INVS: variants seen among roughly 807,000 people sequenced by gnomAD.
The protein encoded by INVS is inversin.
Under a neutral mutation model 108.8 loss-of-function variants are expected in INVS, and 86 were observed. The ratio of observed to expected loss-of-function variants is 0.79; its 90% CI spans 0.66 to 0.95. The LOEUF is 0.95. Ranked by LOEUF, INVS falls within the 40% of genes least tolerant of loss-of-function variation. The pLI is 0.00. For missense variants in INVS, 1,169 were observed against 1,297.4 expected (o/e 0.90, Z 1.52); for synonymous variants, 455 against 473.5 (o/e 0.96, Z 0.51).
At position 100,115,353 on chromosome 9, in the gene INVS, G is replaced by A. The variant is rs137930196; in HGVS notation, c.106+10726G>A. On this transcript the variant is annotated intron_variant, in intron 2 of 16. Transcript: ENST00000262457. ...AAGTTCTAGGGTACATGTGCACAAC[G>A]TGCAGGTTTGTTACATATGTATACA... is the stretch of plus-strand genomic sequence containing the variant. Among the ~76,000 whole-genome samples, 1,370 of 151,318 alleles carry A rather than the reference G, an allele frequency of 9.1e-3. 7 individuals are homozygous for A. Among genetic ancestry groups the A allele is most frequent in the Non-Finnish European group, 0.016 (1,087 of 67,812 alleles).
At position 100,227,948 on chromosome 9, in the gene INVS, T is replaced by C. The variant is rs141393504; in HGVS notation, c.448-1712T>C. On this transcript the variant is annotated intron_variant, in intron 4 of 16. Transcript: ENST00000262457. ...TACTTGAGTACACATAGTTTAGCAATGCCCTACTACCAGATACCAAATAAA... is the reference window on the plus strand; with the variant it reads ...TACTTGAGTACACATAGTTTAGCAACGCCCTACTACCAGATACCAAATAAA... Among the ~76,000 whole-genome samples, 72 of 152,080 alleles carry C rather than the reference T, an allele frequency of 4.7e-4. 1 individual carries two copies. In the East Asian group the frequency reaches 0.012, roughly 25 times the overall value.
At chr9:100,265,280 C>A (rs1433538225) in intron 11 of INVS, among the ~76,000 whole-genome samples, 3 of 152,114 alleles carry the variant, frequency 2.0e-5, no homozygotes, top group Non-Finnish European at 4.4e-5. Flanking sequence ...TGCTCTTTAT[C>A]ATACATCCTT....
At chr9:100,108,337 G>T (rs1827240862) in intron 2 of INVS, among the ~76,000 whole-genome samples, 1 of 152,106 alleles carries the variant, frequency 6.6e-6, no homozygotes, top group Non-Finnish European at 1.5e-5. Context: ...CATCTTGTCT[G>T]AGGAACTTCT....
At chr9:100,213,928 T>A (rs535241644) in intron 3 of INVS, among the ~76,000 whole-genome samples, 2 of 152,314 alleles carry the variant, frequency 1.3e-5, no homozygotes, top group South Asian at 4.1e-4. Context: ...GCATACCCAG[T>A]AAGAACGTTT....
At chr9:100,234,805 A>G (rs992562245) in intron 5 of INVS, among the ~76,000 whole-genome samples, 2 of 152,146 alleles carry the variant, frequency 1.3e-5, no homozygotes, top group African/African-American at 4.8e-5. Flanking sequence ...ATTTTAGAGT[A>G]AGTTCTATGT....
rs1319340721 is a variant in INVS at position 100,210,135 on chromosome 9, G to A, written c.274-15927G>A. ...CCCTCTACAGAGTTCTTACTACCGT[G>A]TGTCCTTACCTCTATCATAGAACTG... On this transcript the variant is annotated intron_variant, in intron 3 of 16. Transcript: ENST00000262457. Among the ~76,000 whole-genome samples, 3 of 152,164 alleles carry A rather than the reference G, an allele frequency of 2.0e-5. No homozygotes were observed. In the South Asian group the frequency reaches 6.2e-4, roughly 31 times the overall value.
intron 7 of INVS, among the ~76,000 whole-genome samples, chr9:100,245,664 T>A (rs1384456353): frequency 1.3e-5 from 2 of 152,208 alleles, no homozygotes; most frequent in Non-Finnish European, 2.9e-5. Flanking sequence ...TTTAATGAAT[T>A]CAGCACTGCA....
intron 5 of INVS, among the ~76,000 whole-genome samples, chr9:100,237,119 C>G (rs1162537555): frequency 6.6e-6 from 1 of 152,156 alleles, no homozygotes; most frequent in African/African-American, 2.4e-5. Flanking sequence ...GTGGTGGGCT[C>G]CGCTCAGTTC....
rs1831586459 is a variant in INVS, at chr9:100,233,634, GT to G, written c.615+3812del. ...CTGCATCTATTGAGATAATCATGTG[GT>G]TTTTGTCATTGGTTCTGTTTATGTG... is the stretch of plus-strand genomic sequence containing the variant. On this transcript the variant is annotated intron_variant, in intron 5 of 16. Coordinates refer to ENST00000262457, the MANE Select transcript of INVS (RefSeq NM_014425.5). Among the ~76,000 whole-genome samples, 3 of 152,196 alleles carry G rather than the reference GT, an allele frequency of 2.0e-5. No homozygotes were observed. The South Asian group carries it at 6.2e-4, about 32-fold the overall frequency.
At chr9:100,231,570 A>C (rs1831515329) in intron 5 of INVS, among the ~76,000 whole-genome samples, 2 of 126,334 alleles carry the variant, frequency 1.6e-5, no homozygotes, top group Admixed American at 1.1e-4. Flanking sequence ...ATGTGTTCTC[A>C]TTGTTCAACT....
At chr9:100,185,126 T>C (rs1830014156) in intron 3 of INVS, among the ~76,000 whole-genome samples, 1 of 152,152 alleles carries the variant, frequency 6.6e-6, no homozygotes, top group Non-Finnish European at 1.5e-5. Flanking sequence ...GAAATAATGT[T>C]GATAATAGAT....
chr9:100,128,610 T>C lies in INVS; in HGVS notation c.273+2061T>C, dbSNP rs1827956207. ...ATAATTTTCAAATAATAGTTGGAGA[T>C]AATATGTCCCAGGCCTGTAATACTC... On this transcript the variant is annotated intron_variant, in intron 3 of 16. Transcript: ENST00000262457. Among the ~76,000 whole-genome samples, 8 of 152,208 alleles carry C rather than the reference T, an allele frequency of 5.3e-5. 1 individual carries two copies. In the South Asian group the frequency reaches 1.7e-3, roughly 31 times the overall value.
At chr9:100,220,992 A>G (rs1831130908) in intron 3 of INVS, among the ~76,000 whole-genome samples, 1 of 151,790 alleles carries the variant, frequency 6.6e-6, no homozygotes, top group Non-Finnish European at 1.5e-5. Flanking sequence ...AAAAAAATAG[A>G]TTAACTTCCA....
At position 100,299,555 on chromosome 9, in the gene INVS, A is replaced by AACACACACACACACACAC. The variant is rs55800849; in HGVS notation, c.3092-995_3092-978dup. On this transcript the variant is annotated intron_variant, in intron 16 of 16. Coordinates refer to ENST00000262457, the MANE Select transcript of INVS (RefSeq NM_014425.5). Reference sequence around the variant, plus strand: ...TCAGCAGAGCCTTTTATTGACACACAACACACACACACACACACACACACA... The same window carrying AACACACACACACACACAC: ...TCAGCAGAGCCTTTTATTGACACACAACACACACACACACACACACACACACACACACACACACACACA... 4.3e-3 allele frequency among the ~76,000 whole-genome samples: 542 copies of AACACACACACACACACAC among 125,634 alleles called. 8 individuals carry two copies. Among genetic ancestry groups the AACACACACACACACACAC allele is most frequent in the African/African-American group, 0.013 (450 of 33,528 alleles). The allele number at this position is 125,634 out of a possible 152,430, so 82.4% of individuals were successfully genotyped here. A position where few individuals can be genotyped will look rare whatever the true frequency, so the allele number is the denominator to read the frequency against.
chr9:100,154,606 A>G (rs1315992235), intron 3 of INVS, among the ~76,000 whole-genome samples: 1 of 152,104 alleles, frequency 6.6e-6, no homozygotes, highest in East Asian at 1.9e-4. Context: ...TGAAAAAAGC[A>G]AGCGCAGAAT....
chr9:100,221,766 T>G (rs1487184341), intron 3 of INVS, among the ~76,000 whole-genome samples: 1 of 152,100 alleles, frequency 6.6e-6, no homozygotes, highest in African/African-American at 2.4e-5. Context: ...TTTACTGTGG[T>G]CAACCATGAT....
intron 10 of INVS, among the ~76,000 whole-genome samples, chr9:100,264,055 G>A (rs563817368): frequency 2.6e-4 from 39 of 152,250 alleles, no homozygotes; most frequent in African/African-American, 8.9e-4. Context: ...CACAAGTTTA[G>A]CATTGTGATA....
At chr9:100,237,817 G>A (rs948072348) in intron 5 of INVS, among the ~76,000 whole-genome samples, 2 of 152,026 alleles carry the variant, frequency 1.3e-5, no homozygotes, top group Admixed American at 1.3e-4. Flanking sequence ...TTGCTGAGTT[G>A]TCCTCTTGAC....
At chr9:100,275,241 G>A (rs947584345) in intron 12 of INVS, among the ~76,000 whole-genome samples, 4 of 152,200 alleles carry the variant, frequency 2.6e-5, no homozygotes, top group Non-Finnish European at 4.4e-5. Context: ...TAATACACAT[G>A]ACAAATTATC....
Sources: allele counts gnomAD v4.1 joint callset (sites outside exome capture counted in the v4.1 genomes callset), GRCh38; gene constraint gnomAD v4.1.1; transcripts MANE v1.5; gene names NCBI Gene and HGNC (gene_info 2026-07-23, HGNC 2026-07-21).